Variants in WWOX observed in about 807,000 individuals in gnomAD.
WWOX encodes WW domain containing oxidoreductase.
WWOX carries 69 observed loss-of-function variants against 46.2 expected under a neutral mutation model. The ratio of observed to expected loss-of-function variants is 1.49; its 90% CI spans 1.23 to 1.82. The LOEUF is 1.82. Ranked by LOEUF, WWOX falls within the 40% of genes most tolerant of loss-of-function variation. The pLI is 0.00. For synonymous variants in WWOX, 359 were observed against 202.6 expected (o/e 1.77, Z -6.56); for missense variants, 919 against 542.6 (o/e 1.69, Z -6.89).
rs145240080 is a variant in WWOX, at chr16:78,880,977, C to G, written c.1057-330631C>G. On this transcript the variant is annotated intron_variant, in intron 8 of 8. Coordinates refer to ENST00000566780, the MANE Select transcript of WWOX (RefSeq NM_016373.4). ...TCTATCTTTCGGTCCCCTAAAGCTT[C>G]TGGTAATTTTTTTTCTTTTTTTTTT... Among the ~76,000 whole-genome samples the G allele has an allele frequency of 9.0e-4, 129 of 143,484 alleles. 2 individuals are homozygous for G. The East Asian group carries it at 0.024, about 27-fold the overall frequency. 94.1% of individuals were successfully genotyped at this position (143,484 alleles called of 152,430 possible).
intron 8 of WWOX, among the ~76,000 whole-genome samples, chr16:79,059,832 C>A (rs890668308): frequency 1.3e-5 from 2 of 152,192 alleles, no homozygotes; most frequent in African/African-American, 4.8e-5. Context: ...CCTCTTATTA[C>A]TTAAAAGTAA....
At chr16:78,743,613 C>G (rs75955726) in intron 8 of WWOX, among the ~76,000 whole-genome samples, 17 of 152,298 alleles carry the variant, frequency 1.1e-4, no homozygotes, top group Non-Finnish European at 2.4e-4. Flanking sequence ...ACTCCCTCTG[C>G]AACCCCTCCC....
At chr16:78,853,975 G>A (rs1484571710) in intron 8 of WWOX, among the ~76,000 whole-genome samples, 1 of 152,100 alleles carries the variant, frequency 6.6e-6, no homozygotes, top group African/African-American at 2.4e-5. Flanking sequence ...TTTCCAGAAT[G>A]TTCGATTAAA....
At chr16:78,937,600 G>GTTT (rs1166482087) in intron 8 of WWOX, among the ~76,000 whole-genome samples, 3 of 122,328 alleles carry the variant, frequency 2.5e-5, no homozygotes, top group African/African-American at 6.2e-5. Flanking sequence ...CAGCTATAGA[G>GTTT]CTTTATTTAT....
chr16:78,404,725 A>C (rs1203275768), intron 6 of WWOX, among the ~76,000 whole-genome samples: 1 of 152,186 alleles, frequency 6.6e-6, no homozygotes, highest in Non-Finnish European at 1.5e-5. Flanking sequence ...CTAGTAGGTC[A>C]TGAGTGTGGT....
chr16:79,002,472 C>T (rs2047113124), intron 8 of WWOX, among the ~76,000 whole-genome samples: 1 of 152,140 alleles, frequency 6.6e-6, no homozygotes, highest in Non-Finnish European at 1.5e-5. Flanking sequence ...ATCCACCTGC[C>T]TTGGCCTCCC....
chr16:78,392,370 T>C (rs7200331), intron 6 of WWOX, among the ~76,000 whole-genome samples: 50,661 of 151,766 alleles, frequency 0.33, 10,910 homozygotes, highest in African/African-American at 0.57. Flanking sequence ...AAGATGGGAT[T>C]GTCTAGTTCT....
intron 8 of WWOX, among the ~76,000 whole-genome samples, chr16:78,967,302 T>TTG (rs2046380187): frequency 1.5e-5 from 2 of 136,770 alleles, no homozygotes; most frequent in Admixed American, 1.5e-4. Context: ...TTTTTTTTTT[T>TTG]TTTTTTTTTT....
intron 8 of WWOX, chr16:78,826,067 A>C: frequency 2.5e-6 from 1 of 403,250 alleles, no homozygotes; most frequent in Non-Finnish European, 4.5e-6. Context: ...ACATTTAATA[A>C]AATATTGTAC....
At chr16:78,177,789 G>A (rs1179196637) in intron 5 of WWOX, among the ~76,000 whole-genome samples, 1 of 152,224 alleles carries the variant, frequency 6.6e-6, no homozygotes, top group Non-Finnish European at 1.5e-5. Flanking sequence ...TTAGCGAGGG[G>A]AGTGCGGGGT....
At chr16:78,417,031 C>T (rs180905043) in intron 6 of WWOX, among the ~76,000 whole-genome samples, 61 of 123,010 alleles carry the variant, frequency 5.0e-4, no homozygotes, top group African/African-American at 2.7e-3. Context: ...AGTCAGGTGA[C>T]CCTTTGGGGG....
At chr16:78,728,055 CTTTTTTT>C (rs758484198) in intron 8 of WWOX, among the ~76,000 whole-genome samples, 12 of 86,806 alleles carry the variant, frequency 1.4e-4, no homozygotes, top group Non-Finnish European at 1.9e-4. Context: ...TCCCTCCTTC[CTTTTTTT>C]TTTTTTTTTT....
intron 8 of WWOX, among the ~76,000 whole-genome samples, chr16:78,731,735 G>T (rs2048973284): frequency 6.6e-6 from 1 of 152,022 alleles, no homozygotes; most frequent in South Asian, 2.1e-4. Flanking sequence ...AGGCCAGGGT[G>T]CAGACTGGGC....
intron 5 of WWOX, among the ~76,000 whole-genome samples, chr16:78,304,915 T>C (rs1749036886): frequency 6.6e-6 from 1 of 152,072 alleles, no homozygotes; most frequent in African/African-American, 2.4e-5. Flanking sequence ...CCATTTTTCT[T>C]CCTCTCTTTC....
chr16:78,266,376 C>A (rs2079363091), intron 5 of WWOX, among the ~76,000 whole-genome samples: 1 of 152,216 alleles, frequency 6.6e-6, no homozygotes, highest in Non-Finnish European at 1.5e-5. Context: ...TACTTTTGCA[C>A]TATGCCAGCA....
rs559214961 is a variant in WWOX, at chr16:78,100,095, G to A, written c.107+210G>A. ...CGGGTCCAGCGGGGGTCACCTGGTGGCTTCCCGGCGCGCCCTCTGCTGTTC... is the reference window on the plus strand; with the variant it reads ...CGGGTCCAGCGGGGGTCACCTGGTGACTTCCCGGCGCGCCCTCTGCTGTTC... On this transcript the variant is annotated intron_variant, in intron 1 of 8. Coordinates refer to ENST00000566780, the MANE Select transcript of WWOX (RefSeq NM_016373.4). 8 of 1,379,142 alleles carry A rather than the reference G, an allele frequency of 5.8e-6. No individual in the cohort carries two copies. In the African/African-American group the frequency reaches 1.2e-4, roughly 21 times the overall value. The allele number at this position is 1,379,142 out of a possible 1,614,324, so 85.4% of individuals were successfully genotyped here. A position where few individuals can be genotyped will look rare whatever the true frequency, so the allele number is the denominator to read the frequency against.
chr16:78,839,244 G>T (rs1247086570), intron 8 of WWOX, among the ~76,000 whole-genome samples: 1 of 152,046 alleles, frequency 6.6e-6, no homozygotes, highest in African/African-American at 2.4e-5. Flanking sequence ...GCTCTATTTT[G>T]ATATATTTTC....
intron 8 of WWOX, among the ~76,000 whole-genome samples, chr16:79,048,135 A>G (rs1011716329): frequency 8.5e-5 from 13 of 152,106 alleles, no homozygotes; most frequent in Admixed American, 5.9e-4. Context: ...ATCATTTTCT[A>G]TTTCATGGAG....
rs142899941 is a variant in WWOX at position 78,826,586 on chromosome 16, T to C, written c.1057-385022T>C. Among the ~76,000 whole-genome samples the C allele has an allele frequency of 1.4e-3, 219 of 152,340 alleles. 2 individuals carry two copies. The highest frequency in any genetic ancestry group is 3.4e-3 in the Middle Eastern group (1 of 294). On this transcript the variant is annotated intron_variant, in intron 8 of 8. Transcript: ENST00000566780. ...TTCCTGTCTGCCTCAAATCTCCCTC[T>C]ACCTTTCTGCTATGAAGACACTTGT...
Sources: allele counts gnomAD v4.1 joint callset (sites outside exome capture counted in the v4.1 genomes callset), GRCh38; gene constraint gnomAD v4.1.1; transcripts MANE v1.5; gene names NCBI Gene and HGNC (gene_info 2026-07-23, HGNC 2026-07-21).